HIVEP1: variants seen among roughly 807,000 people sequenced by gnomAD.
The protein encoded by HIVEP1 is zinc finger protein 40.
In HIVEP1, 36 loss-of-function variants were observed where a neutral mutation model predicts 180.0. The ratio of observed to expected loss-of-function variants is 0.20; its 90% CI spans 0.15 to 0.26. The LOEUF (loss-of-function observed/expected upper bound fraction) is 0.26, where lower values mean the gene tolerates loss of function less well. Among genes scored for constraint, HIVEP1 ranks in the 10% least tolerant of loss-of-function variants. HIVEP1 has a pLI of 1.00. For missense variants in HIVEP1, 3,143 were observed against 3,268.7 expected (o/e 0.96, Z 0.94); for synonymous variants, 1,239 against 1,239.0 (o/e 1.00, Z 0.00).
At chr6:12,093,529 G>A (rs1460288238) in intron 3 of HIVEP1, among the ~76,000 whole-genome samples, 1 of 150,960 alleles carries the variant, frequency 6.6e-6, no homozygotes, top group African/African-American at 2.4e-5. Flanking sequence ...AACCCATCTG[G>A]AGTTTGTTTT....
the HIVEP1 span, among the ~76,000 whole-genome samples, chr6:12,181,759 G>A: frequency 6.6e-6 from 1 of 152,288 alleles, no homozygotes; most frequent in East Asian, 1.9e-4. Flanking sequence ...TGCCATCATA[G>A]TGATACAAGT....
intron 3 of HIVEP1, among the ~76,000 whole-genome samples, chr6:12,108,452 G>A (rs561519166): frequency 1.1e-4 from 16 of 152,288 alleles, no homozygotes; most frequent in Middle Eastern, 3.4e-3. Flanking sequence ...GGCGCTCATC[G>A]GGGAGGCTTG....
rs1177805137 is a variant in HIVEP1 at position 12,161,792 on chromosome 6, G to A, written c.6841G>A (p.Ala2281Thr). 6.2e-7 allele frequency: 1 copy of A among 1,614,204 alleles called. No individual in the cohort carries two copies. Among genetic ancestry groups the A allele is most frequent in the African/African-American group, 1.3e-5 (1 of 75,074 alleles). ...CTCTCCGGGGAAGGCCAGGCAGCGT[G>A]CTGCGAGAGATGAAAACGACACAAT... is the stretch of plus-strand genomic sequence containing the variant. The part of the protein sequence containing the change: ...TLSPGKARQR[A>T]ARDENDTIPS... Residue 2281 changes from alanine (A) to threonine (T), a missense_variant, in exon 8 of 9, where the codon GCT (alanine) becomes ACT (threonine). Ala to Thr is a moderately conservative substitution (Grantham distance 58). Coordinates refer to ENST00000379388, the MANE Select transcript of HIVEP1 (RefSeq NM_002114.4).
the HIVEP1 span, among the ~76,000 whole-genome samples, chr6:12,209,358 G>A: frequency 8.5e-5 from 13 of 152,134 alleles, no homozygotes; most frequent in Admixed American, 2.0e-4. Flanking sequence ...GCGTGAACCC[G>A]GGAGGCGGAG....
At chr6:12,139,043 T>C (rs956698403) in intron 7 of HIVEP1, among the ~76,000 whole-genome samples, 2 of 151,988 alleles carry the variant, frequency 1.3e-5, no homozygotes, top group African/African-American at 2.4e-5. Flanking sequence ...AGCTCCTGAT[T>C]GGTCTCTGTG....
rs141090179 is a variant in HIVEP1 at position 12,112,423 on chromosome 6, T to C, written c.95-7467T>C. 1.3e-4 allele frequency among the ~76,000 whole-genome samples: 20 copies of C among 152,316 alleles called. No individual in the cohort carries two copies. The Middle Eastern group carries it at 0.01, about 78-fold the overall frequency. The stretch of plus-strand genomic sequence containing the variant: ...TTTTTTATTCTTTATGCTTATTCTT[T>C]CGTATCATATTCTTAATCATCCTAG... On this transcript the variant is annotated intron_variant, in intron 3 of 8. Coordinates refer to ENST00000379388, the MANE Select transcript of HIVEP1 (RefSeq NM_002114.4).
chr6:12,164,601 GT>G lies in HIVEP1; in HGVS notation c.*142del. 1 of 697,402 alleles carries G rather than the reference GT, an allele frequency of 1.4e-6. No homozygotes were observed. The highest frequency in any genetic ancestry group is 2.3e-6 in the Non-Finnish European group (1 of 435,346). The allele number at this position is 697,402 out of a possible 1,614,324, so 43.2% of individuals were successfully genotyped here. ...AATCATGAACTTTTGACCAATAATT[GT>G]TGTTTTGTGTCAGCTCCAGCCATTT... is the stretch of plus-strand genomic sequence containing the variant. On this transcript the variant is annotated 3_prime_UTR_variant, in exon 9 of 9. Coordinates refer to ENST00000379388, the MANE Select transcript of HIVEP1 (RefSeq NM_002114.4).
At position 12,125,092 on chromosome 6, in the gene HIVEP1, A is replaced by G. The variant is rs774346326; in HGVS notation, c.5297A>G (p.Lys1766Arg). Residue 1766 changes from lysine to arginine, a missense_variant, in exon 4 of 9, where the codon AAA becomes AGA. Lys to Arg is a conservative substitution (Grantham distance 26, BLOSUM62 2). Coordinates refer to ENST00000379388, the MANE Select transcript of HIVEP1 (RefSeq NM_002114.4). ...ATGGAAAAGCACCAGAAGCGGGCCA[A>G]AGATGAAAATGGAGCTGTTTGTGCA... ...IAMEKHQKRA[K>R]DENGAVCATD... 4 of 1,613,774 alleles carry G rather than the reference A, an allele frequency of 2.5e-6. No individual in the cohort carries two copies. In the Admixed American group the frequency reaches 5.0e-5, roughly 20 times the overall value.
intron 2 of HIVEP1, among the ~76,000 whole-genome samples, chr6:12,047,428 C>T (rs1156508620): frequency 1.3e-5 from 2 of 152,136 alleles, no homozygotes; most frequent in East Asian, 1.9e-4. Flanking sequence ...ATGGTGTTTT[C>T]GGAAGGCATA....
At chr6:12,082,081 T>G (rs183883514) in intron 2 of HIVEP1, among the ~76,000 whole-genome samples, 8 of 152,292 alleles carry the variant, frequency 5.3e-5, no homozygotes, top group South Asian at 2.1e-4. Flanking sequence ...CCTCTTTTTT[T>G]TGTGTGTTTC....
At chr6:12,132,461 T>G (rs3777777) in intron 6 of HIVEP1, among the ~76,000 whole-genome samples, 27,268 of 152,112 alleles carry the variant, frequency 0.18, 2,944 homozygotes, top group East Asian at 0.47. Flanking sequence ...TTAAAAAATA[T>G]TTATCAAGTA....
the HIVEP1 span, among the ~76,000 whole-genome samples, chr6:12,172,238 A>G: frequency 2.0e-5 from 3 of 152,196 alleles, no homozygotes; most frequent in African/African-American, 7.2e-5. Flanking sequence ...GTCTCATTCC[A>G]TCATGCCTGA....
rs1230975913 is a variant in HIVEP1, at chr6:12,135,905, A to G, written c.6487+13A>G. The G allele has an allele frequency of 7.9e-6, 12 of 1,524,034 alleles. No homozygotes were observed. The highest frequency in any genetic ancestry group is 2.7e-5 in the African/African-American group (2 of 72,758). 94.4% of individuals were successfully genotyped at this position (1,524,034 alleles called of 1,614,324 possible). On this transcript the variant is annotated intron_variant, in intron 7 of 8. Transcript: ENST00000379388. ...ACAGAAGAATCAGGTAAGGCTTTAT[A>G]CCATATTTTTCATAAATGCTATTTA...
chr6:12,046,886 A>C (rs758172079), intron 2 of HIVEP1, among the ~76,000 whole-genome samples: 7 of 62,914 alleles, frequency 1.1e-4, no homozygotes, highest in Non-Finnish European at 1.9e-4. Flanking sequence ...TTTGAGATGG[A>C]GTCTCGCTCT....
downstream of HIVEP1, among the ~76,000 whole-genome samples, chr6:12,165,997 T>G (rs973139756): frequency 6.1e-4 from 93 of 152,334 alleles, no homozygotes; most frequent in African/African-American, 2.2e-3. Flanking sequence ...AATTTACATT[T>G]ACATATTTCC....
chr6:12,165,422 T>C (rs886146667), downstream of HIVEP1, among the ~76,000 whole-genome samples: 2 of 152,208 alleles, frequency 1.3e-5, no homozygotes, highest in African/African-American at 4.8e-5. Flanking sequence ...CTATGGGCTC[T>C]TCTTTCCCTT....
intron 2 of HIVEP1, among the ~76,000 whole-genome samples, chr6:12,043,553 G>T (rs1417736945): frequency 6.6e-6 from 1 of 151,978 alleles, no homozygotes; most frequent in African/African-American, 2.4e-5. Flanking sequence ...TTTTGGTAGA[G>T]CCGGGGTTTT....
Position 12,125,781 on chromosome 6 carries a change from G to A in HIVEP1, c.5986G>A (p.Gly1996Arg). Reference protein sequence around the residue: ...LALLNSKQNTGKSLYCQAITT... With the variant: ...LALLNSKQNTRKSLYCQAITT... ...TCTCCTTAATTCAAAACAGAACACT[G>A]GAAAATCACTATACTGTCAAGCAAT... Residue 1996 changes from glycine to arginine, a missense_variant, in exon 4 of 9, where the codon GGA becomes AGA. Coordinates refer to ENST00000379388, the MANE Select transcript of HIVEP1 (RefSeq NM_002114.4). 3 of 1,613,858 alleles carry A rather than the reference G, an allele frequency of 1.9e-6. No homozygotes were observed. Among genetic ancestry groups the A allele is most frequent in the Non-Finnish European group, 2.5e-6 (3 of 1,179,838 alleles).
At chr6:12,133,278 T>G (rs776171757) in intron 6 of HIVEP1, among the ~76,000 whole-genome samples, 14 of 152,206 alleles carry the variant, frequency 9.2e-5, no homozygotes, top group Admixed American at 2.0e-4. Flanking sequence ...GCAGAAAACA[T>G]ATAGAGAGCT....
Sources: gnomAD v4.1 joint callset for allele counts (sites outside exome capture counted in the v4.1 genomes callset) on GRCh38, gnomAD v4.1.1 for gene constraint, MANE v1.5 for transcripts, NCBI Gene and HGNC (gene_info 2026-07-23, HGNC 2026-07-21) for gene names.